The following GNAL variants were observed in gnomAD, a reference collection of about 807,000 sequenced individuals.
The protein encoded by GNAL is G protein subunit alpha L.
GNAL carries 18 observed loss-of-function variants against 55.1 expected under a neutral mutation model. The observed-to-expected ratio is 0.33, with a 90% CI of 0.23 to 0.48. The LOEUF is 0.48. Among genes scored for constraint, GNAL ranks in the 20% least tolerant of loss-of-function variants. GNAL has a pLI of 0.99. For missense variants in GNAL, 412 were observed against 614.1 expected, an observed-to-expected ratio of 0.67 and a Z score of 3.48; for synonymous variants, 253 against 237.0, an observed-to-expected ratio of 1.07 and a Z score of -0.62.
At chr18:11,788,914 A>AAAAAAAAAAAAAAAAAAAATATATATAT (rs60071996) in intron 4 of GNAL, among the ~76,000 whole-genome samples, 1 of 56,302 alleles carries the variant, frequency 1.8e-5, no homozygotes, top group African/African-American at 1.0e-4. Context: ...AAAAAAAAAA[A>AAAAAAAAAAAAAAAAAAAATATATATAT]ATATATATAT....
chr18:11,831,605 C>T (rs1212081668), intron 5 of GNAL, among the ~76,000 whole-genome samples: 1 of 152,204 alleles, frequency 6.6e-6, no homozygotes, highest in African/African-American at 2.4e-5. Flanking sequence ...GCCAAAGGCC[C>T]TATGGGGAAA....
chr18:11,732,122 A>G (rs1298727133), intron 1 of GNAL, among the ~76,000 whole-genome samples: 2 of 152,238 alleles, frequency 1.3e-5, no homozygotes, highest in Non-Finnish European at 2.9e-5. Context: ...GCTTTCATGA[A>G]TAATGCTGCT....
rs1235315864 is a variant in GNAL, at chr18:11,846,462, TATACACACACAC to T, written c.723-15931_723-15920del. On this transcript the variant is annotated intron_variant, in intron 5 of 11. Coordinates refer to ENST00000334049, the MANE Select transcript of GNAL (RefSeq NM_182978.4). ...ATATAAATATAAATATATATATAAA[TATACACACACAC>T]ACACACACACACACACACAGACTCA... Among the ~76,000 whole-genome samples, 34 of 20,210 alleles carry T rather than the reference TATACACACACAC, an allele frequency of 1.7e-3. No homozygotes were observed. In the South Asian group the frequency reaches 0.15, roughly 89 times the overall value. 13.3% of individuals were successfully genotyped at this position (20,210 alleles called of 152,430 possible).
At chr18:11,841,464 G>A (rs1347141436) in intron 5 of GNAL, among the ~76,000 whole-genome samples, 2 of 151,908 alleles carry the variant, frequency 1.3e-5, no homozygotes, top group Non-Finnish European at 2.9e-5. Flanking sequence ...TGGCCAAAAT[G>A]GTGAAACCCT....
chr18:11,881,470 GT>G lies in GNAL; in HGVS notation c.*344del, dbSNP rs955082996. 9 of 209,500 alleles carry G rather than the reference GT, an allele frequency of 4.3e-5. No homozygotes were observed. Among genetic ancestry groups the G allele is most frequent in the East Asian group, 1.0e-4 (1 of 9,564 alleles). The allele number at this position is 209,500 out of a possible 1,614,324, so 13.0% of individuals were successfully genotyped here. On this transcript the variant is annotated 3_prime_UTR_variant, in exon 12 of 12. Transcript: ENST00000334049. The surrounding 1 kb of genome is among the most constrained non-coding windows in gnomAD (Gnocchi z 4.8). ...GGTAGATGGGGAGAAAACACAGTTG[GT>G]TTTTTTTTCCACGTTATCAACCGTG...
chr18:11,796,589 A>AAC (rs1555651476), intron 4 of GNAL, among the ~76,000 whole-genome samples: 119 of 147,104 alleles, frequency 8.1e-4, no homozygotes, highest in African/African-American at 3.0e-3. Flanking sequence ...AAAAAAAAAA[A>AAC]AAAAAACAAA....
At chr18:11,870,876 A>G (rs937293831) in intron 9 of GNAL, among the ~76,000 whole-genome samples, 40 of 152,228 alleles carry the variant, frequency 2.6e-4, no homozygotes, top group Non-Finnish European at 5.1e-4. Flanking sequence ...AATTTGTGGT[A>G]ATAAGACTGT....
intron 1 of GNAL, among the ~76,000 whole-genome samples, chr18:11,744,245 A>G (rs1164451199): frequency 6.6e-6 from 1 of 152,202 alleles, no homozygotes; most frequent in Admixed American, 6.5e-5. Context: ...TCCTTTACAG[A>G]TGACACTTCT....
At chr18:11,823,408 A>G (rs1020277707) in intron 4 of GNAL, among the ~76,000 whole-genome samples, 2 of 152,210 alleles carry the variant, frequency 1.3e-5, no homozygotes, top group African/African-American at 2.4e-5. Flanking sequence ...GATATAGACT[A>G]TGCCATAACT....
chr18:11,766,729 C>T (rs2143229153), intron 4 of GNAL, among the ~76,000 whole-genome samples: 1 of 152,230 alleles, frequency 6.6e-6, no homozygotes, highest in Admixed American at 6.5e-5. Flanking sequence ...GTGCTGAGAC[C>T]AAATGCCGGA....
At chr18:11,783,007 C>T (rs866908011) in intron 4 of GNAL, among the ~76,000 whole-genome samples, 2 of 152,308 alleles carry the variant, frequency 1.3e-5, no homozygotes, top group African/African-American at 2.4e-5. Flanking sequence ...ACTCTGACTA[C>T]GCAAAAGACA....
At chr18:11,815,834 CAAT>C (rs1252827457) in intron 4 of GNAL, among the ~76,000 whole-genome samples, 2 of 151,972 alleles carry the variant, frequency 1.3e-5, no homozygotes, top group African/African-American at 2.4e-5. Context: ...TTAAAAAACT[CAAT>C]AATAAGAAAA....
intron 5 of GNAL, among the ~76,000 whole-genome samples, chr18:11,841,126 G>C (rs946445456): frequency 6.6e-6 from 1 of 151,620 alleles, no homozygotes; most frequent in Non-Finnish European, 1.5e-5. Context: ...TGCCCACCTC[G>C]GCCTCCCAAA....
intron 4 of GNAL, among the ~76,000 whole-genome samples, chr18:11,754,792 T>C (rs1265069954): frequency 1.3e-5 from 2 of 152,162 alleles, no homozygotes; most frequent in African/African-American, 2.4e-5. Context: ...TTGCATTATT[T>C]AGGGCTGCTT....
intron 11 of GNAL, among the ~76,000 whole-genome samples, chr18:11,880,106 AAGT>A (rs1291612177): frequency 6.6e-6 from 1 of 151,260 alleles, no homozygotes; most frequent in Non-Finnish European, 1.5e-5. Context: ...AAAATACAAA[AAGT>A]AGCCAGGCGT....
rs73409565 is a variant in GNAL, at chr18:11,851,448, C to T, written c.723-10947C>T. On this transcript the variant is annotated intron_variant, in intron 5 of 11. Transcript: ENST00000334049. ...GAGCGGCGGCCGGGAGCGGACTTACCTTACCTTCTCTGCCTTCGGCGCGCT... is the reference window on the plus strand; with the variant it reads ...GAGCGGCGGCCGGGAGCGGACTTACTTTACCTTCTCTGCCTTCGGCGCGCT... 4.2e-3 allele frequency: 6,153 copies of T among 1,467,464 alleles called. 211 individuals carry two copies. The African/African-American group carries it at 0.077, about 18-fold the overall frequency. 90.9% of individuals were successfully genotyped at this position (1,467,464 alleles called of 1,614,324 possible).
At chr18:11,719,206 TA>T (rs34992527) in intron 1 of GNAL, among the ~76,000 whole-genome samples, 3 of 150,496 alleles carry the variant, frequency 2.0e-5, no homozygotes, top group Admixed American at 1.3e-4. Context: ...ATTCTATCAT[TA>T]AAAAAAAATG....
intron 4 of GNAL, among the ~76,000 whole-genome samples, chr18:11,817,586 G>T (rs12454673): frequency 6.6e-6 from 1 of 151,946 alleles, no homozygotes; most frequent in African/African-American, 2.4e-5. Context: ...GCTTGTTTTC[G>T]TGTAGTTTTC....
At chr18:11,744,741 C>T (rs1444763204) in intron 1 of GNAL, among the ~76,000 whole-genome samples, 1 of 152,200 alleles carries the variant, frequency 6.6e-6, no homozygotes, top group Non-Finnish European at 1.5e-5. Context: ...GACAGAGTCT[C>T]GCTCTCTCAC....
Sources: gnomAD v4.1 joint callset for allele counts (sites outside exome capture counted in the v4.1 genomes callset) on GRCh38, gnomAD v4.1.1 for gene constraint, Gnocchi (gnomAD v3.1) non-coding constraint, MANE v1.5 for transcripts, NCBI Gene and HGNC (gene_info 2026-07-23, HGNC 2026-07-21) for gene names.